The following GRM8 variants were observed in gnomAD, a reference collection of about 807,000 sequenced individuals.
The protein encoded by GRM8 is metabotropic glutamate receptor 8.
In GRM8, 47 loss-of-function variants were observed where a neutral mutation model predicts 87.2. The observed-to-expected ratio is 0.54, with a 90% CI of 0.43 to 0.69. The LOEUF is 0.69. Ranked by LOEUF, GRM8 falls within the 30% of genes least tolerant of loss-of-function variation. GRM8 has a pLI of 0.00. For synonymous variants in GRM8, 396 were observed against 404.5 expected (o/e 0.98, Z 0.25); for missense variants, 1,019 against 1,139.2 (o/e 0.89, Z 1.52).
At chr7:126,909,084 C>G (rs1803010973) in intron 3 of GRM8, among the ~76,000 whole-genome samples, 1 of 152,134 alleles carries the variant, frequency 6.6e-6, no homozygotes, top group Non-Finnish European at 1.5e-5. Flanking sequence ...ACCGCCAGTC[C>G]TCAGCAGTTA....
intron 3 of GRM8, among the ~76,000 whole-genome samples, chr7:126,917,784 G>A (rs980269482): frequency 5.3e-5 from 8 of 152,120 alleles, no homozygotes; most frequent in South Asian, 2.1e-4. Context: ...TTCAAAATGC[G>A]AACTTCAAAG....
At chr7:126,654,374 A>G (rs1206553135) in intron 7 of GRM8, among the ~76,000 whole-genome samples, 3 of 152,166 alleles carry the variant, frequency 2.0e-5, no homozygotes, top group Non-Finnish European at 4.4e-5. Context: ...GAAAAATGTG[A>G]TACTTTATCC....
Position 127,216,530 on chromosome 7 carries a change from AAAAAC to A in GRM8, c.510+26160_510+26164del, listed in dbSNP as rs1192344305. Among the ~76,000 whole-genome samples the A allele has an allele frequency of 4.0e-5, 6 of 150,640 alleles. No homozygotes were observed. In the East Asian group the frequency reaches 5.8e-4, roughly 15 times the overall value. On this transcript the variant is annotated intron_variant, in intron 2 of 10. Coordinates refer to ENST00000339582, the MANE Select transcript of GRM8 (RefSeq NM_000845.3). The stretch of plus-strand genomic sequence containing the variant: ...GAGACTCCGTCTCAAAAAAAAAAAA[AAAAAC>A]AAAAAAAAAAAAAGAAGAAGCTGAG...
chr7:127,037,832 CGTGTGTGT>C (rs367605693), intron 3 of GRM8, among the ~76,000 whole-genome samples: 13 of 147,428 alleles, frequency 8.8e-5, no homozygotes, highest in South Asian at 4.4e-4. Flanking sequence ...CATGCGCATC[CGTGTGTGT>C]GTGTGTGTGT....
intron 3 of GRM8, among the ~76,000 whole-genome samples, chr7:127,060,570 T>A (rs1261269440): frequency 1.3e-5 from 2 of 152,136 alleles, no homozygotes; most frequent in Admixed American, 1.3e-4. Context: ...ACAGAAAATA[T>A]AGGCAGAATA....
intron 3 of GRM8, among the ~76,000 whole-genome samples, chr7:127,063,714 C>A (rs934250561): frequency 6.6e-5 from 10 of 152,162 alleles, no homozygotes; most frequent in Non-Finnish European, 1.0e-4. Context: ...CTAATTCTTG[C>A]AGTTGTGAAA....
intron 3 of GRM8, among the ~76,000 whole-genome samples, chr7:127,101,783 T>C (rs1825289755): frequency 6.6e-6 from 1 of 152,164 alleles, no homozygotes; most frequent in African/African-American, 2.4e-5. Flanking sequence ...GGCATTGCTA[T>C]AAAGATACCT....
intron 7 of GRM8, among the ~76,000 whole-genome samples, chr7:126,615,092 A>G (rs1585230149): frequency 6.6e-6 from 1 of 152,354 alleles, no homozygotes; most frequent in African/African-American, 2.4e-5. Flanking sequence ...CAAAGTTGAA[A>G]TGAGGGAAAA....
At chr7:127,024,442 G>C (rs1331541938) in intron 3 of GRM8, among the ~76,000 whole-genome samples, 1 of 151,938 alleles carries the variant, frequency 6.6e-6, no homozygotes, top group Non-Finnish European at 1.5e-5. Context: ...CAACAATTGA[G>C]ATGTTAATAC....
intron 9 of GRM8, among the ~76,000 whole-genome samples, chr7:126,515,563 C>T (rs1219816925): frequency 6.6e-6 from 1 of 152,076 alleles, no homozygotes; most frequent in Admixed American, 6.6e-5. Flanking sequence ...CCAAATGGGT[C>T]TCACTTGGCT....
At chr7:126,443,875 T>G (rs1801723951) in intron 10 of GRM8, among the ~76,000 whole-genome samples, 1 of 151,976 alleles carries the variant, frequency 6.6e-6, no homozygotes, top group Non-Finnish European at 1.5e-5. Flanking sequence ...ACTTCAATAA[T>G]ATGAGATTGG....
At chr7:127,032,263 A>G (rs1441243058) in intron 3 of GRM8, among the ~76,000 whole-genome samples, 1 of 152,172 alleles carries the variant, frequency 6.6e-6, no homozygotes, top group Non-Finnish European at 1.5e-5. Context: ...CCTCACAGAC[A>G]TGCTCCAACA....
intron 7 of GRM8, among the ~76,000 whole-genome samples, chr7:126,727,917 T>G (rs1813189935): frequency 6.6e-6 from 1 of 152,170 alleles, no homozygotes; most frequent in African/African-American, 2.4e-5. Flanking sequence ...TATTATTGTA[T>G]GTACACATGA....
chr7:126,650,326 C>T (rs550638176), intron 7 of GRM8, among the ~76,000 whole-genome samples: 6 of 152,164 alleles, frequency 3.9e-5, no homozygotes, highest in Admixed American at 1.3e-4. Flanking sequence ...ATGGGGAGTT[C>T]CCTATAATCA....
chr7:126,493,012 T>A (rs1007735099), intron 9 of GRM8, among the ~76,000 whole-genome samples: 7 of 152,090 alleles, frequency 4.6e-5, no homozygotes, highest in African/African-American at 1.7e-4. Context: ...TTTGTTTGTG[T>A]ATTGATTTTG....
At chr7:126,629,672 G>T (rs1029024517) in intron 7 of GRM8, among the ~76,000 whole-genome samples, 2 of 152,070 alleles carry the variant, frequency 1.3e-5, no homozygotes, top group East Asian at 3.8e-4. Flanking sequence ...AACTTAAAAA[G>T]ATAGCAGATA....
chr7:127,181,715 C>T (rs985627792), intron 2 of GRM8, among the ~76,000 whole-genome samples: 4 of 151,828 alleles, frequency 2.6e-5, no homozygotes, highest in Non-Finnish European at 5.9e-5. Context: ...AACTGATCTT[C>T]AACAAAGTAA....
intron 7 of GRM8, among the ~76,000 whole-genome samples, chr7:126,635,177 C>T (rs963948387): frequency 6.6e-6 from 1 of 152,162 alleles, no homozygotes; most frequent in Non-Finnish European, 1.5e-5. Flanking sequence ...TTGTTCAGCC[C>T]AATAACTAAT....
At chr7:126,553,851 G>A (rs563326538) in intron 8 of GRM8, among the ~76,000 whole-genome samples, 54 of 152,226 alleles carry the variant, frequency 3.5e-4, no homozygotes, top group South Asian at 1.5e-3. Context: ...AAATATAAGC[G>A]TACACTTAAA....
Sources: allele counts gnomAD v4.1 joint callset (sites outside exome capture counted in the v4.1 genomes callset), GRCh38; gene constraint gnomAD v4.1.1; transcripts MANE v1.5; gene names NCBI Gene and HGNC (gene_info 2026-07-23, HGNC 2026-07-21).